ANKRD44: variants seen among roughly 807,000 people sequenced by gnomAD.
ANKRD44 encodes serine/threonine-protein phosphatase 6 regulatory ankyrin repeat subunit B.
ANKRD44 carries 35 observed loss-of-function variants against 116.0 expected under a neutral mutation model. The observed-to-expected ratio is 0.30, with a 90% CI of 0.23 to 0.40. ANKRD44 has a LOEUF of 0.40. ANKRD44 is among the 10% of genes least tolerant of loss of function. The pLI is 1.00. For missense variants in ANKRD44, 1,014 were observed against 1,242.6 expected, an observed-to-expected ratio of 0.82 and a Z score of 2.77; for synonymous variants, 435 against 461.8, an observed-to-expected ratio of 0.94 and a Z score of 0.74.
At chr2:196,975,806 GA>G (rs758420868) in intron 21 of ANKRD44, among the ~76,000 whole-genome samples, 2 of 57,130 alleles carry the variant, frequency 3.5e-5, no homozygotes, top group Non-Finnish European at 7.2e-5. Context: ...AAAAGAAAAA[GA>G]AAAAAGAAAG....
intron 16 of ANKRD44, among the ~76,000 whole-genome samples, chr2:197,042,909 C>A (rs2076937533): frequency 6.6e-6 from 1 of 152,208 alleles, no homozygotes; most frequent in African/African-American, 2.4e-5. Context: ...TGAATTTGGG[C>A]CACCAGGATG....
chr2:197,026,911 G>A lies in ANKRD44; in HGVS notation c.1651-1644C>T, dbSNP rs571738043. On this transcript the variant is annotated intron_variant, in intron 16 of 27. Coordinates refer to ENST00000282272, the MANE Select transcript of ANKRD44 (RefSeq NM_001195144.2). The stretch of plus-strand genomic sequence containing the variant: ...AATATGAATGTAAGAGAAAGAGAGA[G>A]GCCAAGGATGACGCCCAGTTTTTGT... 9.9e-5 allele frequency among the ~76,000 whole-genome samples: 15 copies of A among 152,064 alleles called. No individual in the cohort carries two copies. The South Asian group carries it at 3.1e-3, about 32-fold the overall frequency.
intron 1 of ANKRD44, among the ~76,000 whole-genome samples, chr2:197,240,481 A>G (rs2082068962): frequency 6.6e-6 from 1 of 151,928 alleles, no homozygotes; most frequent in Non-Finnish European, 1.5e-5. Flanking sequence ...ATTAAGAGAA[A>G]GAGCTGGGTA....
chr2:196,969,533 C>T (rs2075700421), intron 21 of ANKRD44, among the ~76,000 whole-genome samples: 1 of 152,140 alleles, frequency 6.6e-6, no homozygotes, highest in Non-Finnish European at 1.5e-5. Flanking sequence ...AGCATTGGCA[C>T]AGAACATTTT....
chr2:197,044,794 T>C (rs1488101768), intron 16 of ANKRD44, among the ~76,000 whole-genome samples: 2 of 151,960 alleles, frequency 1.3e-5, no homozygotes, highest in Non-Finnish European at 2.9e-5. Context: ...CCTCTATTTG[T>C]AAATAGTTTA....
intron 6 of ANKRD44, 90 bp downstream of exon 6, chr2:197,125,291 A>G (rs1041602937): frequency 1.6e-6 from 2 of 1,221,154 alleles, no homozygotes; most frequent in African/African-American, 1.5e-5. Flanking sequence ...AAGAAGTCAG[A>G]CTGGAGAAAA....
rs955965920 is a variant in ANKRD44, at chr2:197,007,818, A to G, written c.2118T>C (p.Ala706=). ...AAGATGTACATACCCCTCTGTGTAA[A>G]GCTGTGCATCCTAGGATGTCAACAG... ...VDTVDILGCT[A]LHRGIMTGHE... Residue 706 remains alanine, a synonymous_variant, in exon 20 of 28, where the codon GCT becomes GCC. Coordinates refer to ENST00000282272, the MANE Select transcript of ANKRD44 (RefSeq NM_001195144.2). 2 of 1,611,882 alleles carry G rather than the reference A, an allele frequency of 1.2e-6. No homozygotes were observed. Among genetic ancestry groups the G allele is most frequent in the Non-Finnish European group, 1.7e-6 (2 of 1,178,112 alleles).
intron 1 of ANKRD44, among the ~76,000 whole-genome samples, chr2:197,301,651 T>C (rs539416398): frequency 1.3e-5 from 2 of 152,358 alleles, no homozygotes; most frequent in African/African-American, 2.4e-5. Context: ...TTTTCTTTGT[T>C]TGAGTACTTC....
intron 1 of ANKRD44, among the ~76,000 whole-genome samples, chr2:197,291,151 G>A (rs976391834): frequency 5.9e-5 from 9 of 152,166 alleles, no homozygotes; most frequent in Admixed American, 2.0e-4. Flanking sequence ...CCAGGCTGCT[G>A]TAAGCTATAA....
At position 197,203,838 on chromosome 2, in the gene ANKRD44, CATT is replaced by C. The variant is rs1489148406; in HGVS notation, c.28-16735_28-16733del. ...CTACAACATGGATGAACCTTGGAAA[CATT>C]ATGCTAAGTGCAAGAAGCCAGACAC... On this transcript the variant is annotated intron_variant, in intron 1 of 27. Coordinates refer to ENST00000282272, the MANE Select transcript of ANKRD44 (RefSeq NM_001195144.2). This position sits in a 1 kb window ranked among gnomAD's most constrained non-coding sequence, Gnocchi z 4.1. Among the ~76,000 whole-genome samples, 1 of 152,188 alleles carries C rather than the reference CATT, an allele frequency of 6.6e-6. No individual in the cohort carries two copies. The highest frequency in any genetic ancestry group is 2.4e-5 in the African/African-American group (1 of 41,440).
intron 1 of ANKRD44, among the ~76,000 whole-genome samples, chr2:197,261,931 T>C (rs2082615889): frequency 6.6e-6 from 1 of 152,132 alleles, no homozygotes; most frequent in Non-Finnish European, 1.5e-5. Context: ...CTCGAAATCA[T>C]CTCTTCTGTG....
intron 1 of ANKRD44, among the ~76,000 whole-genome samples, chr2:197,244,419 A>C (rs1026444490): frequency 2.6e-5 from 4 of 152,232 alleles, no homozygotes; most frequent in African/African-American, 9.6e-5. Flanking sequence ...TATAAGCAGC[A>C]GGCAGTATTT....
In ANKRD44 at chr2:196,967,514, C is replaced by T. The variant is rs117946116; in HGVS notation, c.2369-68G>A. On this transcript the variant is annotated intron_variant, in intron 21 of 21. Coordinates refer to the ANKRD44 transcript ENST00000424317. Reference sequence around the variant, plus strand: ...CAATTATGTTAATTGTTGCATTTTTCGGTAAAAAAGAAAGTGCAATTATGT... The same window carrying T: ...CAATTATGTTAATTGTTGCATTTTTTGGTAAAAAAGAAAGTGCAATTATGT... 2.4e-3 allele frequency: 1,014 copies of T among 425,886 alleles called. 15 individuals are homozygous for T. The East Asian group carries it at 0.036, about 15-fold the overall frequency. 26.4% of individuals were successfully genotyped at this position (425,886 alleles called of 1,614,324 possible).
intron 1 of ANKRD44, among the ~76,000 whole-genome samples, chr2:197,288,358 C>T (rs1390159976): frequency 6.6e-6 from 1 of 152,144 alleles, no homozygotes; most frequent in Non-Finnish European, 1.5e-5. Flanking sequence ...AAAGGAAACT[C>T]TTATATGCTG....
chr2:196,999,182 G>C, intron 23 of ANKRD44, 130 bp from the exon 24 acceptor site: 1 of 1,084,140 alleles, frequency 9.2e-7, no homozygotes, highest in South Asian at 1.7e-5. Flanking sequence ...ATAGTGATCA[G>C]GTCCCCTCCC....
chr2:197,009,129 G>A (rs2076252070), intron 18 of ANKRD44, 98 bp from the exon 19 acceptor site: 4 of 983,984 alleles, frequency 4.1e-6, no homozygotes, highest in African/African-American at 3.2e-5. Flanking sequence ...GTCTTGCTCT[G>A]TCGCCAGGCT....
intron 23 of ANKRD44, 147 bp from the exon 24 acceptor site, chr2:196,999,199 G>T: frequency 1.1e-6 from 1 of 935,734 alleles, no homozygotes; most frequent in Non-Finnish European, 1.6e-6. Context: ...TCCCTCTAAA[G>T]GTCATCCAGG....
At chr2:197,059,996 C>T (rs2077277189) in intron 16 of ANKRD44, among the ~76,000 whole-genome samples, 1 of 152,238 alleles carries the variant, frequency 6.6e-6, no homozygotes. Context: ...ATAACAAACA[C>T]ATTATGCTGA....
At chr2:197,127,245 T>C (rs1328313963) in intron 4 of ANKRD44, among the ~76,000 whole-genome samples, 1 of 152,232 alleles carries the variant, frequency 6.6e-6, no homozygotes, top group African/African-American at 2.4e-5. Flanking sequence ...CATCCTGACA[T>C]AAATAGATTC....
Sources: allele counts gnomAD v4.1 joint callset (sites outside exome capture counted in the v4.1 genomes callset), GRCh38; gene constraint gnomAD v4.1.1; non-coding constraint Gnocchi (gnomAD v3.1); transcripts MANE v1.5; gene names NCBI Gene and HGNC (gene_info 2026-07-23, HGNC 2026-07-21).